Variants in RIPOR2 observed in about 807,000 individuals in gnomAD.
RIPOR2 encodes rho family-interacting cell polarization regulator 2.
RIPOR2 carries 39 observed loss-of-function variants against 114.5 expected under a neutral mutation model. That is an observed-to-expected ratio of 0.34 (90% CI 0.26 to 0.44). RIPOR2 has a LOEUF of 0.44. Among genes scored for constraint, RIPOR2 ranks in the 20% least tolerant of loss-of-function variants. The pLI is 1.00. For missense variants in RIPOR2, 1,007 were observed against 1,255.1 expected (o/e 0.80, Z 2.99); for synonymous variants, 445 against 484.4 (o/e 0.92, Z 1.07).
In RIPOR2 at chr6:24,842,883, C is replaced by A; in HGVS notation, c.1836G>T (p.Met612Ile). The stretch of plus-strand genomic sequence containing the variant: ...TTACTTTTAGAATATCATCCAAATT[C>A]ATGACTTCTTGGTTCAGATCCTGAA... ...KEFQDLNQEV[M>I]NLDDILKCKP... The change falls in exon 13 of 22, where the codon ATG becomes ATT. Residue 612 changes from methionine (M) to isoleucine (I), a missense_variant. Transcript: ENST00000643898. 2 of 1,447,254 alleles carry A rather than the reference C, an allele frequency of 1.4e-6. No homozygotes were observed. Among genetic ancestry groups the A allele is most frequent in the Non-Finnish European group, 1.8e-6 (2 of 1,095,092 alleles). The allele number at this position is 1,447,254 out of a possible 1,614,324, so 89.7% of individuals were successfully genotyped here.
chr6:24,851,762 A>C (rs1451349994), intron 9 of RIPOR2, among the ~76,000 whole-genome samples: 1 of 152,034 alleles, frequency 6.6e-6, no homozygotes, highest in Admixed American at 6.5e-5. Context: ...AAAAAAAAAA[A>C]AACCTGCTTA....
In RIPOR2 at chr6:24,842,870, T is replaced by C; in HGVS notation, c.1849A>G (p.Ile617Val). ...TCTGAAAAGGTACTTACTTTTAGAA[T>C]ATCATCCAAATTCATGACTTCTTGG... ...LNQEVMNLDD[I>V]LKCKPAVSRS... Residue 617 changes from isoleucine to valine, a missense_variant, in exon 13 of 22, where the codon ATT becomes GTT. Coordinates refer to ENST00000643898, the MANE Select transcript of RIPOR2 (RefSeq NM_001286445.3). The C allele has an allele frequency of 6.9e-7, 1 of 1,440,738 alleles. No homozygotes were observed. The highest frequency in any genetic ancestry group is 9.2e-7 in the Non-Finnish European group (1 of 1,091,206). The allele number at this position is 1,440,738 out of a possible 1,614,324, so 89.2% of individuals were successfully genotyped here.
At chr6:24,828,466 G>A (rs1330745750) in intron 17 of RIPOR2, among the ~76,000 whole-genome samples, 171 bp from the exon 18 acceptor site, 1 of 152,154 alleles carries the variant, frequency 6.6e-6, no homozygotes, top group Non-Finnish European at 1.5e-5. Context: ...AGTTTCCCAA[G>A]TAGATGGAAT....
At chr6:24,889,534 A>T (rs947259752) in intron 1 of RIPOR2, among the ~76,000 whole-genome samples, 8 of 152,216 alleles carry the variant, frequency 5.3e-5, no homozygotes, top group African/African-American at 1.7e-4. Flanking sequence ...TTAATTATTG[A>T]TAAAGAGATA....
chr6:24,915,690 A>T (rs1770021730), intron 1 of RIPOR2, among the ~76,000 whole-genome samples: 2 of 152,108 alleles, frequency 1.3e-5, no homozygotes, highest in African/African-American at 4.8e-5. Flanking sequence ...TTGATTTTCC[A>T]GCTTATGAAG....
Position 24,806,482 on chromosome 6 carries a change from A to G in RIPOR2, c.3044-9T>C. 1 of 1,533,606 alleles carries G rather than the reference A, an allele frequency of 6.5e-7. No homozygotes were observed. Among genetic ancestry groups the G allele is most frequent in the Non-Finnish European group, 8.8e-7 (1 of 1,134,204 alleles). The allele number at this position is 1,533,606 out of a possible 1,614,324, so 95.0% of individuals were successfully genotyped here. A position where few individuals can be genotyped will look rare whatever the true frequency, so the allele number is the denominator to read the frequency against. On this transcript the variant is annotated splice_polypyrimidine_tract_variant and intron_variant, in intron 21 of 21. Coordinates refer to ENST00000643898, the MANE Select transcript of RIPOR2 (RefSeq NM_001286445.3). Reference sequence around the variant, plus strand: ...CAGCCGCCCATCTTCTCCTAAATACAGAACATTAAACATGAATACCAATTC... The same window carrying G: ...CAGCCGCCCATCTTCTCCTAAATACGGAACATTAAACATGAATACCAATTC...
In RIPOR2 at chr6:24,835,882, T is replaced by C; in HGVS notation, c.2040-11A>G. The stretch of plus-strand genomic sequence containing the variant: ...TGAACCGACCTGTAACTATTGAAGG[T>C]GGGCAAAACATTAGCTATTCTTTTT... On this transcript the variant is annotated splice_polypyrimidine_tract_variant and intron_variant, in intron 14 of 21. Coordinates refer to ENST00000643898, the MANE Select transcript of RIPOR2 (RefSeq NM_001286445.3). 1 of 1,551,174 alleles carries C rather than the reference T, an allele frequency of 6.4e-7. No individual in the cohort carries two copies. Among genetic ancestry groups the C allele is most frequent in the East Asian group, 2.4e-5 (1 of 40,922 alleles).
intron 1 of RIPOR2, among the ~76,000 whole-genome samples, chr6:25,002,942 T>C (rs1232419075): frequency 6.6e-6 from 1 of 152,210 alleles, no homozygotes; most frequent in South Asian, 2.1e-4. Flanking sequence ...AAGATCCAAG[T>C]ACAAAAAGTG....
At chr6:24,910,721 C>T (rs1377855837) in intron 1 of RIPOR2, 1 of 712,090 alleles carries the variant, frequency 1.4e-6, no homozygotes, top group Non-Finnish European at 1.7e-6. Flanking sequence ...TAGCATTCAA[C>T]GCTCATTCAA....
At position 24,839,076 on chromosome 6, in the gene RIPOR2, T is replaced by C; in HGVS notation, c.2039+15A>G. On this transcript the variant is annotated intron_variant, in intron 14 of 21. Coordinates refer to ENST00000643898, the MANE Select transcript of RIPOR2 (RefSeq NM_001286445.3). ...TGACAGGAGAAATATAAGGAGACACTAACTTCAGACTTACCTGTGTTTCTC... is the reference window on the plus strand; with the variant it reads ...TGACAGGAGAAATATAAGGAGACACCAACTTCAGACTTACCTGTGTTTCTC... The C allele has an allele frequency of 6.5e-7, 1 of 1,546,284 alleles. No individual in the cohort carries two copies.
In RIPOR2 at chr6:24,858,439, T is replaced by C. The variant is rs1163351261; in HGVS notation, c.715+2534A>G. 6.6e-6 allele frequency among the ~76,000 whole-genome samples: 1 copy of C among 152,180 alleles called. No individual in the cohort carries two copies. The highest frequency in any genetic ancestry group is 1.9e-4 in the East Asian group (1 of 5,198). On this transcript the variant is annotated intron_variant, in intron 8 of 21. Transcript: ENST00000643898. This position sits in a 1 kb window ranked among gnomAD's most constrained non-coding sequence, Gnocchi z 4.0. ...GAAATAGTCTGTTTGTCAATATGTA[T>C]GTTGGAAGTAGTTTTTACCAGAATG...
chr6:24,873,600 C>G, intron 3 of RIPOR2, 44 bp downstream of exon 3: 1 of 1,575,016 alleles, frequency 6.3e-7, no homozygotes, highest in South Asian at 1.2e-5. Flanking sequence ...TCTCTGACCC[C>G]TTGGGTCTTT....
At chr6:24,906,137 A>G (rs1269705922) in intron 1 of RIPOR2, among the ~76,000 whole-genome samples, 2 of 151,944 alleles carry the variant, frequency 1.3e-5, no homozygotes, top group Non-Finnish European at 2.9e-5. Flanking sequence ...AATTGTTCTT[A>G]TCTGACCTTC....
intron 1 of RIPOR2, among the ~76,000 whole-genome samples, chr6:24,898,193 A>G (rs1768076694): frequency 6.6e-6 from 1 of 152,146 alleles, no homozygotes; most frequent in Admixed American, 6.5e-5. Flanking sequence ...TCAAAGGTAA[A>G]AAGACAAATG....
chr6:24,849,617 G>A lies in RIPOR2; in HGVS notation c.1034+185C>T, dbSNP rs370858451. ...ACTTTAACACGCGTGCACCTTACCCGGGGAGTTTGTTAAACAGATTCTGGG... is the reference window on the plus strand; with the variant it reads ...ACTTTAACACGCGTGCACCTTACCCAGGGAGTTTGTTAAACAGATTCTGGG... On this transcript the variant is annotated intron_variant, in intron 11 of 21. Coordinates refer to ENST00000643898, the MANE Select transcript of RIPOR2 (RefSeq NM_001286445.3). Among the ~76,000 whole-genome samples, 28 of 152,194 alleles carry A rather than the reference G, an allele frequency of 1.8e-4. No homozygotes were observed. In the South Asian group the frequency reaches 5.2e-3, roughly 28 times the overall value.
chr6:24,858,523 G>A lies in RIPOR2; in HGVS notation c.715+2450C>T, dbSNP rs1002436237. 3.2e-4 allele frequency among the ~76,000 whole-genome samples: 48 copies of A among 152,162 alleles called. No individual in the cohort carries two copies. Among genetic ancestry groups the A allele is most frequent in the African/African-American group, 1.1e-3 (46 of 41,448 alleles). ...CAATAGGATTTCTTGGCAGCATGAG[G>A]TTTCCCTTTCTCTTTATGGAGGAAG... On this transcript the variant is annotated intron_variant, in intron 8 of 21. Transcript: ENST00000643898. The surrounding 1 kb of genome is among the most constrained non-coding windows in gnomAD (Gnocchi z 4.0).
chr6:24,935,911 A>G lies in RIPOR2; in HGVS notation c.-13T>C, dbSNP rs1239550871. On this transcript the variant is annotated 5_prime_UTR_variant, in exon 1 of 22. Coordinates refer to ENST00000643898, the MANE Select transcript of RIPOR2 (RefSeq NM_001286445.3). ...CAAAAAACTGCATCTTGGAGAGGACAGGCGCGAGAAGCAGCAGGCAGCAGC... is the reference window on the plus strand; with the variant it reads ...CAAAAAACTGCATCTTGGAGAGGACGGGCGCGAGAAGCAGCAGGCAGCAGC... 4.6e-6 allele frequency: 7 copies of G among 1,532,218 alleles called. No homozygotes were observed. The Admixed American group carries it at 1.4e-4, about 30-fold the overall frequency. 94.9% of individuals were successfully genotyped at this position (1,532,218 alleles called of 1,614,324 possible).
chr6:24,933,282 A>G (rs555178378), intron 1 of RIPOR2, among the ~76,000 whole-genome samples: 5 of 152,352 alleles, frequency 3.3e-5, no homozygotes, highest in Middle Eastern at 6.8e-3. Flanking sequence ...AGCTTTCCCT[A>G]TCATAACACT....
intron 1 of RIPOR2, chr6:24,929,176 A>G (rs1179628289): frequency 6.6e-6 from 1 of 151,856 alleles, no homozygotes; most frequent in East Asian, 1.9e-4. Context: ...AAAATATCTG[A>G]AAAGGATAAA....
Sources: allele counts gnomAD v4.1 joint callset (sites outside exome capture counted in the v4.1 genomes callset), GRCh38; gene constraint gnomAD v4.1.1; non-coding constraint Gnocchi (gnomAD v3.1); transcripts MANE v1.5; gene names NCBI Gene and HGNC (gene_info 2026-07-23, HGNC 2026-07-21).